The following TMEM135 variants were observed in gnomAD, a reference collection of about 807,000 sequenced individuals.
TMEM135 encodes peroxisomal membrane protein 52.
A neutral mutation model predicts 60.3 loss-of-function variants in TMEM135; 30 were observed. The observed-to-expected ratio is 0.50, with a 90% CI of 0.37 to 0.68. The LOEUF (loss-of-function observed/expected upper bound fraction) is 0.68, where lower values mean the gene tolerates loss of function less well. Among genes scored for constraint, TMEM135 ranks in the 30% least tolerant of loss-of-function variants. The pLI, the probability that TMEM135 is intolerant of heterozygous loss-of-function variation, is 0.00. For synonymous variants in TMEM135, 190 were observed against 186.7 expected, an observed-to-expected ratio of 1.02 and a Z score of -0.14; for missense variants, 468 against 548.8, an observed-to-expected ratio of 0.85 and a Z score of 1.47.
chr11:87,119,787 A>C (rs1368814107), intron 4 of TMEM135, among the ~76,000 whole-genome samples: 1 of 152,238 alleles, frequency 6.6e-6, no homozygotes, highest in Non-Finnish European at 1.5e-5. Flanking sequence ...TAGGAGAATT[A>C]CCAAAATGTG....
At position 87,322,829 on chromosome 11, in the gene TMEM135, C is replaced by G; in HGVS notation, c.*1496C>G. ...TACTATGGTAACAGAGCCACTTTAT[C>G]ATTTGGTCAAAATTTGGCATTATGA... On this transcript the variant is annotated 3_prime_UTR_variant, in exon 15 of 15. Transcript: ENST00000305494. 1 of 454,412 alleles carries G rather than the reference C, an allele frequency of 2.2e-6. No individual in the cohort carries two copies. The highest frequency in any genetic ancestry group is 1.6e-5 in the South Asian group (1 of 64,476). 28.1% of individuals were successfully genotyped at this position (454,412 alleles called of 1,614,324 possible).
chr11:87,047,163 C>T (rs1013723703), intron 1 of TMEM135, among the ~76,000 whole-genome samples: 1 of 152,140 alleles, frequency 6.6e-6, no homozygotes, highest in East Asian at 1.9e-4. Flanking sequence ...TTTGCTTTTC[C>T]ACCTCGATCT....
rs1338763977 is a variant in TMEM135 at position 87,322,419 on chromosome 11, C to T, written c.*1086C>T. ...TTGAATATCATTGTCACCATTTTTA[C>T]TGTTAGAATAAAGAGGTGACACCAT... On this transcript the variant is annotated 3_prime_UTR_variant, in exon 15 of 15. Coordinates refer to ENST00000305494, the MANE Select transcript of TMEM135 (RefSeq NM_022918.4). 1.3e-5 allele frequency: 6 copies of T among 453,788 alleles called. No homozygotes were observed. The highest frequency in any genetic ancestry group is 1.0e-4 in the African/African-American group (5 of 49,950). 28.1% of individuals were successfully genotyped at this position (453,788 alleles called of 1,614,324 possible).
intron 5 of TMEM135, among the ~76,000 whole-genome samples, chr11:87,163,502 G>A (rs914718728): frequency 6.6e-5 from 10 of 151,752 alleles, no homozygotes; most frequent in African/African-American, 2.4e-4. Flanking sequence ...AAACATAAGT[G>A]TGCATGTGTC....
chr11:87,081,593 C>A (rs1856993389), intron 3 of TMEM135, among the ~76,000 whole-genome samples: 1 of 151,602 alleles, frequency 6.6e-6, no homozygotes. Flanking sequence ...CTTCTTAGGG[C>A]ATAACGAGAG....
In TMEM135 at chr11:87,194,216, C is replaced by G. The variant is rs531808336; in HGVS notation, c.462+36810C>G. Among the ~76,000 whole-genome samples the G allele has an allele frequency of 1.9e-3, 290 of 152,244 alleles. 2 individuals are homozygous for G. Among genetic ancestry groups the G allele is most frequent in the Non-Finnish European group, 3.1e-3 (213 of 68,012 alleles). ...TAAAAAAAAATTGGTAAATGTAGAT[C>G]TTTGTTGACTGAAGTGCTGGGAAAG... On this transcript the variant is annotated intron_variant, in intron 5 of 14. Transcript: ENST00000305494.
At chr11:87,212,023 A>G (rs979922920) in intron 5 of TMEM135, among the ~76,000 whole-genome samples, 1 of 152,176 alleles carries the variant, frequency 6.6e-6, no homozygotes, top group East Asian at 1.9e-4. Flanking sequence ...AACTTTTTTC[A>G]TATGTAAAAC....
chr11:87,307,672 G>A lies in TMEM135; in HGVS notation c.768+1667G>A, dbSNP rs528041392. Reference sequence around the variant, plus strand: ...CAATTTATGTATACATTGGAATGCCGTATTATATCCATGAATGTAAAACTA... The same window carrying A: ...CAATTTATGTATACATTGGAATGCCATATTATATCCATGAATGTAAAACTA... On this transcript the variant is annotated intron_variant, in intron 9 of 14. Transcript: ENST00000305494. Among the ~76,000 whole-genome samples, 237 of 152,288 alleles carry A rather than the reference G, an allele frequency of 1.6e-3. 1 individual carries two copies. The highest frequency in any genetic ancestry group is 2.6e-3 in the Non-Finnish European group (176 of 68,014).
At chr11:87,073,002 C>T (rs1856799679) in intron 3 of TMEM135, among the ~76,000 whole-genome samples, 1 of 151,970 alleles carries the variant, frequency 6.6e-6, no homozygotes, top group Admixed American at 6.6e-5. Context: ...ATCAAATAAC[C>T]AAATATTAAA....
At chr11:87,196,497 C>A (rs1939960628) in intron 5 of TMEM135, among the ~76,000 whole-genome samples, 1 of 152,054 alleles carries the variant, frequency 6.6e-6, no homozygotes, top group South Asian at 2.1e-4. Context: ...ATCTTTTGGT[C>A]CTAAAAATTG....
At chr11:87,145,398 C>A (rs1486169597) in intron 4 of TMEM135, among the ~76,000 whole-genome samples, 1 of 152,116 alleles carries the variant, frequency 6.6e-6, no homozygotes, top group Non-Finnish European at 1.5e-5. Flanking sequence ...CATAGGGGTG[C>A]AGACATCTCT....
chr11:87,321,328 TC>T lies in TMEM135; in HGVS notation c.1374del (p.Ter459GlufsTer9). The T allele has an allele frequency of 6.2e-7, 1 of 1,613,580 alleles. No individual in the cohort carries two copies. Among genetic ancestry groups the T allele is most frequent in the Non-Finnish European group, 8.5e-7 (1 of 1,179,626 alleles). On this transcript the variant is annotated frameshift_variant, in exon 15 of 15. Transcript: ENST00000305494. LOFTEE classifies it high-confidence loss of function. Reference protein sequence around the residue: ...TVTPELPTEFS With the variant: ...TVTPELPTEFX ...AACACCAGAGTTGCCCACAGAGTTT[TC>T]CTGAAGATGACTGTAACTTATTAAT...
rs535446396 is a variant in TMEM135 at position 87,134,401 on chromosome 11, A to G, written c.397-22940A>G. Among the ~76,000 whole-genome samples the G allele has an allele frequency of 3.9e-5, 6 of 152,272 alleles. No homozygotes were observed. In the South Asian group the frequency reaches 1.2e-3, roughly 32 times the overall value. ...ATTGGGGGTTAGGACTGTAACATAT[A>G]TATTTTTTGGTGGGTTGGGGTGCAC... On this transcript the variant is annotated intron_variant, in intron 4 of 14. Transcript: ENST00000305494.
intron 1 of TMEM135, among the ~76,000 whole-genome samples, chr11:87,046,703 A>C (rs1015401068): frequency 6.6e-6 from 1 of 152,210 alleles, no homozygotes; most frequent in Non-Finnish European, 1.5e-5. Flanking sequence ...GCCCATGATT[A>C]TGGGTTAGGT....
At chr11:87,159,914 A>C (rs985998618) in intron 5 of TMEM135, among the ~76,000 whole-genome samples, 9 of 152,210 alleles carry the variant, frequency 5.9e-5, no homozygotes. Context: ...TTTAAAATAC[A>C]ACCTGAAATC....
At chr11:87,123,460 C>T (rs909151886) in intron 4 of TMEM135, among the ~76,000 whole-genome samples, 6 of 152,164 alleles carry the variant, frequency 3.9e-5, no homozygotes, top group African/African-American at 1.4e-4. Flanking sequence ...ATAAAGACAC[C>T]TGTCATTGGA....
chr11:87,268,202 T>C (rs1591154906), intron 6 of TMEM135, among the ~76,000 whole-genome samples: 1 of 151,118 alleles, frequency 6.6e-6, no homozygotes. Flanking sequence ...TTTCTGTTTT[T>C]TTGAGACTGG....
chr11:87,146,795 G>A (rs1938429097), intron 4 of TMEM135, among the ~76,000 whole-genome samples: 1 of 151,800 alleles, frequency 6.6e-6, no homozygotes, highest in Non-Finnish European at 1.5e-5. Context: ...TATTAACTGT[G>A]ACCATCTTAC....
intron 4 of TMEM135, among the ~76,000 whole-genome samples, chr11:87,103,239 TA>T (rs1031137013): frequency 2.6e-4 from 40 of 152,320 alleles, no homozygotes; most frequent in Non-Finnish European, 5.4e-4. Flanking sequence ...ATGGTATTTT[TA>T]GTTTTTTAAG....
Sources: allele counts gnomAD v4.1 joint callset (sites outside exome capture counted in the v4.1 genomes callset), GRCh38; gene constraint gnomAD v4.1.1; transcripts MANE v1.5; gene names NCBI Gene and HGNC (gene_info 2026-07-23, HGNC 2026-07-21).